The following ZNF780B variants were observed in gnomAD, a reference collection of about 807,000 sequenced individuals.
ZNF780B encodes the protein zinc finger protein 779.
A neutral mutation model predicts 74.1 loss-of-function variants in ZNF780B; 52 were observed. That is an observed-to-expected ratio of 0.70 (90% CI 0.56 to 0.88). ZNF780B has a LOEUF of 0.88. ZNF780B is among the 40% of genes least tolerant of loss of function. ZNF780B has a pLI of 0.00. For missense variants in ZNF780B, 953 were observed against 1,007.6 expected, an observed-to-expected ratio of 0.95 and a Z score of 0.73; for synonymous variants, 315 against 324.3, an observed-to-expected ratio of 0.97 and a Z score of 0.31.
intron 4 of ZNF780B, among the ~76,000 whole-genome samples, chr19:40,043,248 G>C (rs1343175383): frequency 6.6e-6 from 1 of 151,876 alleles, no homozygotes; most frequent in Non-Finnish European, 1.5e-5. Context: ...TTGGTGACCC[G>C]CAAATGCTGC....
rs377355848 is a variant in ZNF780B, at chr19:40,036,554, T to A, written c.305A>T (p.His102Leu). Residue 102 changes from histidine (H) to leucine (L), a missense_variant, in exon 5 of 5, where the codon CAT becomes CTT. Transcript: ENST00000434248. ...NDIFEINLPK[H>L]VIKQISKTLG... ...TGTTTTACTTATTTGCTTTATAACA[T>A]GTTTGGGTAAATTTATTTCAAAAAT... The A allele has an allele frequency of 8.7e-5, 138 of 1,583,124 alleles. No homozygotes were observed. Among genetic ancestry groups the A allele is most frequent in the Non-Finnish European group, 1.1e-4 (133 of 1,168,402 alleles).
At chr19:40,050,196 CAA>C (rs74179712) in intron 2 of ZNF780B, 126 bp downstream of exon 2, 31,489 of 382,732 alleles carry the variant, frequency 0.082, no homozygotes, top group South Asian at 0.1. Flanking sequence ...GACTCCGTCT[CAA>C]AAAAAAAAAA....
chr19:40,042,132 T>C (rs1972674067), intron 4 of ZNF780B, among the ~76,000 whole-genome samples: 2 of 152,176 alleles, frequency 1.3e-5, no homozygotes. Context: ...CATTTGCTTG[T>C]CTATAAAGGA....
chr19:40,048,939 G>A, intron 2 of ZNF780B, 143 bp from the exon 3 acceptor site: 1 of 1,333,810 alleles, frequency 7.5e-7, no homozygotes, highest in South Asian at 1.4e-5. Flanking sequence ...GAATCCTGCT[G>A]CTGGCCTGGT....
chr19:40,038,600 C>T lies in ZNF780B; in HGVS notation c.233-1974G>A, dbSNP rs1465876629. Among the ~76,000 whole-genome samples the T allele has an allele frequency of 2.8e-3, 413 of 148,740 alleles. 1 individual carries two copies. The highest frequency in any genetic ancestry group is 9.4e-3 in the African/African-American group (382 of 40,494). ...TGTTGTTTCCTGACTTTTTAATGAT[C>T]GCCATTCTAACTGGTGTGAGATGGT... is the stretch of plus-strand genomic sequence containing the variant. On this transcript the variant is annotated intron_variant, in intron 4 of 4. Transcript: ENST00000434248.
rs1972931157 is a variant in ZNF780B at position 40,046,322 on chromosome 19, T to C, written c.232+1053A>G. On this transcript the variant is annotated intron_variant, in intron 4 of 4. Coordinates refer to ENST00000434248, the MANE Select transcript of ZNF780B (RefSeq NM_001005851.3). ...ATGGATACCTCAAATACCCTGACAC[T>C]TGTTCATTACACCTTCTATGCATGG... Among the ~76,000 whole-genome samples the C allele has an allele frequency of 2.6e-5, 4 of 152,212 alleles. No individual in the cohort carries two copies. The South Asian group carries it at 8.3e-4, about 31-fold the overall frequency.
chr19:40,051,058 A>G (rs976284203), intron 1 of ZNF780B, among the ~76,000 whole-genome samples: 2 of 152,230 alleles, frequency 1.3e-5, no homozygotes, highest in Non-Finnish European at 2.9e-5. Flanking sequence ...ATTAAGCAAA[A>G]GACTAATAGA....
At chr19:40,043,212 CAGT>C (rs1283468700) in intron 4 of ZNF780B, among the ~76,000 whole-genome samples, 2 of 152,208 alleles carry the variant, frequency 1.3e-5, no homozygotes, top group Non-Finnish European at 2.9e-5. Flanking sequence ...GGCTGCAGAA[CAGT>C]GGTGGCTGTA....
chr19:40,040,191 T>C (rs1246307049), intron 4 of ZNF780B, among the ~76,000 whole-genome samples: 4 of 152,212 alleles, frequency 2.6e-5, no homozygotes, highest in African/African-American at 9.7e-5. Flanking sequence ...TCTTTGGTTC[T>C]GTTTATATGC....
chr19:40,034,984 GTGAAGAC>G lies in ZNF780B; in HGVS notation c.1868_1874del (p.Ser623ThrfsTer42), dbSNP rs767203459. The G allele has an allele frequency of 4.3e-6, 7 of 1,613,900 alleles. No individual in the cohort carries two copies. In the South Asian group the frequency reaches 7.7e-5, roughly 18 times the overall value. Reference sequence around the variant, plus strand: ...TGTTCTTATGGTGATTAAGCTGGGTGTGAAGACTGAAGGCCTTGCCACATTCCTTACA... The same window carrying G: ...TGTTCTTATGGTGATTAAGCTGGGTGTGAAGGCCTTGCCACATTCCTTACA... On this transcript the variant is annotated frameshift_variant, in exon 5 of 5. Coordinates refer to ENST00000434248, the MANE Select transcript of ZNF780B (RefSeq NM_001005851.3). LOFTEE classifies it high-confidence loss of function.
Position 40,034,664 on chromosome 19 carries a change from T to C in ZNF780B, c.2195A>G (p.Lys732Arg), listed in dbSNP as rs766495768. Residue 732 changes from lysine (K) to arginine (R), a missense_variant, in exon 5 of 5, where the codon AAG becomes AGG. Transcript: ENST00000434248. ...AAGCTGTGTCAGAAGACCAAAGGCC[T>C]TTCCGCATTCTTTACATTCAAAGGG... ...EKPFECKECG[K>R]AFGLLTQLAQ... 5.0e-6 allele frequency: 8 copies of C among 1,614,048 alleles called. No homozygotes were observed. Among genetic ancestry groups the C allele is most frequent in the Middle Eastern group, 1.6e-4 (1 of 6,062 alleles).
intron 4 of ZNF780B, among the ~76,000 whole-genome samples, chr19:40,043,426 A>T (rs1972762439): frequency 6.6e-6 from 1 of 152,164 alleles, no homozygotes. Flanking sequence ...TGCTGGGAGA[A>T]CCACTCCTCT....
chr19:40,047,434 A>G lies in ZNF780B; in HGVS notation c.173T>C (p.Leu58Pro), dbSNP rs1387353678. 2.7e-5 allele frequency: 44 copies of G among 1,613,916 alleles called. No individual in the cohort carries two copies. Among genetic ancestry groups the G allele is most frequent in the Non-Finnish European group, 3.6e-5 (42 of 1,179,870 alleles). ...SISKPDVITL[L>P]EQEKEPWIVV... Reference sequence around the variant, plus strand: ...AATCCAGGGCTCTTTCTCTTGCTCTAGTAATGTAATCACATCTGGCTTAGA... The same window carrying G: ...AATCCAGGGCTCTTTCTCTTGCTCTGGTAATGTAATCACATCTGGCTTAGA... Residue 58 changes from leucine (L) to proline (P), a missense_variant, in exon 4 of 5, where the codon CTA becomes CCA. Coordinates refer to ENST00000434248, the MANE Select transcript of ZNF780B (RefSeq NM_001005851.3).
rs1442699986 is a variant in ZNF780B, at chr19:40,034,415, C to T, written c.2444G>A (p.Gly815Glu). 2 of 1,613,670 alleles carry T rather than the reference C, an allele frequency of 1.2e-6. No homozygotes were observed. The highest frequency in any genetic ancestry group is 3.3e-5 in the Admixed American group (2 of 59,992). The change falls in exon 5 of 5, where the codon GGA becomes GAA. Residue 815 changes from glycine to glutamate, a missense_variant. By Grantham distance (98) the Gly-to-Glu change is moderately conservative. Coordinates refer to ENST00000434248, the MANE Select transcript of ZNF780B (RefSeq NM_001005851.3). Reference sequence around the variant, plus strand: ...GTTGCTACTGATGTCTGAAGGCTGTCCCACATTTCTTACATTCAAAGGGTT... The same window carrying T: ...GTTGCTACTGATGTCTGAAGGCTGTTCCACATTTCTTACATTCAAAGGGTT... ...VRNPLNVRNV[G>E]QPSDISSNLL...
chr19:40,042,371 T>G (rs998498391), intron 4 of ZNF780B, among the ~76,000 whole-genome samples: 1 of 152,160 alleles, frequency 6.6e-6, no homozygotes, highest in African/African-American at 2.4e-5. Context: ...AATCTGACAA[T>G]TATGTGTCTT....
chr19:40,031,931 A>G lies in ZNF780B; in HGVS notation c.*2426T>C, dbSNP rs1972020999. The G allele has an allele frequency of 2.7e-6, 1 of 366,114 alleles. No homozygotes were observed. The highest frequency in any genetic ancestry group is 2.1e-5 in the African/African-American group (1 of 47,006). The allele number at this position is 366,114 out of a possible 1,614,324, so 22.7% of individuals were successfully genotyped here. On this transcript the variant is annotated 3_prime_UTR_variant, in exon 5 of 5. Coordinates refer to ENST00000434248, the MANE Select transcript of ZNF780B (RefSeq NM_001005851.3). ...TACCCAAATGATCATCCTTAGTTTC[A>G]CTAATGCAAGGACCTGTACTTAAAT... is the stretch of plus-strand genomic sequence containing the variant.
At chr19:40,039,042 T>G (rs1036180223) in intron 4 of ZNF780B, among the ~76,000 whole-genome samples, 1 of 152,210 alleles carries the variant, frequency 6.6e-6, no homozygotes, top group African/African-American at 2.4e-5. Flanking sequence ...TTTATGGTTT[T>G]AGGTCTAACA....
At chr19:40,050,495 T>C in intron 1 of ZNF780B, 118 bp from the exon 2 acceptor site, 3 of 982,640 alleles carry the variant, frequency 3.1e-6, no homozygotes, top group Non-Finnish European at 4.5e-6. Flanking sequence ...CACGCACACT[T>C]CCACCCTTCT....
Position 40,032,293 on chromosome 19 carries a change from C to T in ZNF780B, c.*2064G>A. 2.7e-6 allele frequency: 1 copy of T among 364,550 alleles called. No homozygotes were observed. The highest frequency in any genetic ancestry group is 5.3e-6 in the Non-Finnish European group (1 of 187,306). The allele number at this position is 364,550 out of a possible 1,614,324, so 22.6% of individuals were successfully genotyped here. On this transcript the variant is annotated 3_prime_UTR_variant, in exon 5 of 5. Transcript: ENST00000434248. ...CTAGGGCTACACTTCTGTAGGTTTA[C>T]TAAGTTCCACAGGGGATTCTGATAC...
Sources: allele counts gnomAD v4.1 joint callset (sites outside exome capture counted in the v4.1 genomes callset), GRCh38; gene constraint gnomAD v4.1.1; transcripts MANE v1.5; gene names NCBI Gene and HGNC (gene_info 2026-07-23, HGNC 2026-07-21).